The following NDFIP2 variants were observed in gnomAD, a reference collection of about 807,000 sequenced individuals.
NDFIP2 encodes NEDD4 family-interacting protein 2.
A neutral mutation model predicts 36.0 loss-of-function variants in NDFIP2; 19 were observed. The ratio of observed to expected loss-of-function variants is 0.53; its 90% confidence interval spans 0.37 to 0.77. NDFIP2 has a LOEUF of 0.77. Among genes scored for constraint, NDFIP2 ranks in the 30% least tolerant of loss-of-function variants. The pLI, the probability that NDFIP2 is intolerant of heterozygous loss-of-function variation, is 0.00. For missense variants in NDFIP2, 446 were observed against 435.8 expected (o/e 1.02, Z -0.21); for synonymous variants, 181 against 167.7 (o/e 1.08, Z -0.61).
intron 1 of NDFIP2, among the ~76,000 whole-genome samples, chr13:79,520,336 C>T (rs764111453): frequency 2.6e-5 from 4 of 152,116 alleles, no homozygotes; most frequent in Non-Finnish European, 4.4e-5. Context: ...TCTACTGTTA[C>T]AATTGCATAC....
chr13:79,504,935 A>G (rs1873804318), intron 1 of NDFIP2, among the ~76,000 whole-genome samples: 1 of 152,146 alleles, frequency 6.6e-6, no homozygotes, highest in Admixed American at 6.6e-5. Context: ...TACTGTCATA[A>G]TTTATTTTGA....
At chr13:79,491,872 G>C (rs889196360) in intron 1 of NDFIP2, among the ~76,000 whole-genome samples, 1 of 152,184 alleles carries the variant, frequency 6.6e-6, no homozygotes, top group African/African-American at 2.4e-5. Flanking sequence ...TGGAATTAGG[G>C]TGTGGGTAAA....
intron 6 of NDFIP2, 126 bp downstream of exon 6, chr13:79,548,520 A>G (rs1875775779): frequency 2.7e-6 from 2 of 744,372 alleles, no homozygotes; most frequent in Non-Finnish European, 4.5e-6. Flanking sequence ...ATTCAAACAC[A>G]TCATCTCACG....
chr13:79,548,359 G>A lies in NDFIP2; in HGVS notation c.872G>A (p.Gly291Glu). 6.3e-7 allele frequency: 1 copy of A among 1,593,042 alleles called. No homozygotes were observed. Among genetic ancestry groups the A allele is most frequent in the East Asian group, 2.3e-5 (1 of 44,068 alleles). The change falls in exon 6 of 8, where the codon GGA (glycine) becomes GAA (glutamate). Residue 291 changes from glycine to glutamate, a missense_variant. Transcript: ENST00000218652. ...GATTATTTTACTGGATATTTCAATG[G>A]ACAGTATTGGCTTTGGTGGATATTT... is the stretch of plus-strand genomic sequence containing the variant. ...FSDYFTGYFN[G>E]QYWLWWIFLV...
intron 1 of NDFIP2, among the ~76,000 whole-genome samples, chr13:79,514,758 T>C (rs1234764789): frequency 6.6e-6 from 1 of 152,214 alleles, no homozygotes; most frequent in Non-Finnish European, 1.5e-5. Flanking sequence ...AGAAAAACAG[T>C]CTAGTCTGAC....
chr13:79,501,827 A>G (rs1421291574), intron 1 of NDFIP2, among the ~76,000 whole-genome samples: 1 of 152,114 alleles, frequency 6.6e-6, no homozygotes, highest in Non-Finnish European at 1.5e-5. Flanking sequence ...TGTTGAGGGA[A>G]GAATGAAACT....
intron 1 of NDFIP2, among the ~76,000 whole-genome samples, chr13:79,509,690 T>TATATATAGAGAGAG (rs113326163): frequency 4.7e-5 from 7 of 147,808 alleles, no homozygotes; most frequent in African/African-American, 1.8e-4. Context: ...TATATATATA[T>TATATATAGAGAGAG]AGAGAGAGAG....
At chr13:79,507,833 T>A (rs947608299) in intron 1 of NDFIP2, among the ~76,000 whole-genome samples, 1 of 151,948 alleles carries the variant, frequency 6.6e-6, no homozygotes, top group East Asian at 1.9e-4. Context: ...TCTTGAACTT[T>A]TTTTTTTTTA....
At chr13:79,530,105 T>C (rs1566663979) in intron 2 of NDFIP2, among the ~76,000 whole-genome samples, 1 of 152,198 alleles carries the variant, frequency 6.6e-6, no homozygotes, top group Non-Finnish European at 1.5e-5. Context: ...GGCTACTGAC[T>C]GATCAGGGTG....
intron 1 of NDFIP2, among the ~76,000 whole-genome samples, chr13:79,517,416 A>C (rs1254698453): frequency 6.6e-6 from 1 of 152,232 alleles, no homozygotes; most frequent in Non-Finnish European, 1.5e-5. Flanking sequence ...AATTATTCTC[A>C]AGTAGAATTG....
Position 79,539,759 on chromosome 13 carries a change from C to G in NDFIP2, c.699C>G (p.Phe233Leu). 1 of 1,613,596 alleles carries G rather than the reference C, an allele frequency of 6.2e-7. No individual in the cohort carries two copies. Among genetic ancestry groups the G allele is most frequent in the Non-Finnish European group, 8.5e-7 (1 of 1,179,684 alleles). The change falls in exon 4 of 8, where the codon TTC (phenylalanine) becomes TTG (leucine). Residue 233 changes from phenylalanine to leucine, a missense_variant. Physicochemically the swap from Phe to Leu is conservative, Grantham distance 22. Coordinates refer to ENST00000218652, the MANE Select transcript of NDFIP2 (RefSeq NM_019080.3). Reference protein sequence around the residue: ...DQLRVGNDGIFMLAFFMAFIF... With the variant: ...DQLRVGNDGILMLAFFMAFIF... Reference sequence around the variant, plus strand: ...TCAGAGTGGGGAATGATGGCATTTTCATGCTGGCATTTTTCAGTAAGTAAT... The same window carrying G: ...TCAGAGTGGGGAATGATGGCATTTTGATGCTGGCATTTTTCAGTAAGTAAT...
At chr13:79,532,576 A>G (rs770292228) in intron 2 of NDFIP2, among the ~76,000 whole-genome samples, 2 of 152,198 alleles carry the variant, frequency 1.3e-5, no homozygotes, top group Admixed American at 6.5e-5. Context: ...TTATATTTCA[A>G]AAATTGGGGT....
At chr13:79,534,397 T>G (rs1390792417) in intron 3 of NDFIP2, among the ~76,000 whole-genome samples, 2 of 150,418 alleles carry the variant, frequency 1.3e-5, no homozygotes, top group Non-Finnish European at 3.0e-5. Flanking sequence ...TCTAGAATTT[T>G]GGAATGATGA....
chr13:79,548,209 T>C, intron 5 of NDFIP2, 119 bp from the exon 6 acceptor site: 1 of 769,878 alleles, frequency 1.3e-6, no homozygotes, highest in Non-Finnish European at 2.2e-6. Context: ...ATTTTTCCTT[T>C]GTGCCATTTT....
intron 6 of NDFIP2, among the ~76,000 whole-genome samples, chr13:79,550,268 A>G (rs1482202864): frequency 1.3e-5 from 2 of 151,796 alleles, no homozygotes; most frequent in Non-Finnish European, 3.0e-5. Flanking sequence ...AGAATTTTAC[A>G]GGTATTGCTT....
chr13:79,519,763 A>G (rs1874492836), intron 1 of NDFIP2, among the ~76,000 whole-genome samples: 1 of 152,136 alleles, frequency 6.6e-6, no homozygotes, highest in African/African-American at 2.4e-5. Flanking sequence ...TATACACATC[A>G]ACTTATTTTG....
At chr13:79,541,463 T>G (rs2137110995) in intron 4 of NDFIP2, among the ~76,000 whole-genome samples, 1 of 151,640 alleles carries the variant, frequency 6.6e-6, no homozygotes, top group South Asian at 2.1e-4. Context: ...TTTACTAAAT[T>G]GTTTCCACAA....
At chr13:79,527,897 G>A (rs1383317809) in intron 2 of NDFIP2, among the ~76,000 whole-genome samples, 2 of 152,128 alleles carry the variant, frequency 1.3e-5, no homozygotes, top group African/African-American at 2.4e-5. Context: ...ATGTGGAGGT[G>A]GAAGACAATG....
chr13:79,534,535 A>G (rs1483164068), intron 3 of NDFIP2, among the ~76,000 whole-genome samples: 1 of 152,108 alleles, frequency 6.6e-6, no homozygotes, highest in Non-Finnish European at 1.5e-5. Context: ...ATACATACAC[A>G]TCTACTATTC....
Sources: allele counts gnomAD v4.1 joint callset (sites outside exome capture counted in the v4.1 genomes callset), GRCh38; gene constraint gnomAD v4.1.1; transcripts MANE v1.5; gene names NCBI Gene and HGNC (gene_info 2026-07-23, HGNC 2026-07-21).